Variants in CSNK1G1 observed in about 807,000 individuals in gnomAD.
CSNK1G1 encodes casein kinase I isoform gamma-1.
A neutral mutation model predicts 59.6 loss-of-function variants in CSNK1G1; 22 were observed. That is an observed-to-expected ratio of 0.37 (90% CI 0.26 to 0.53). The LOEUF (loss-of-function observed/expected upper bound fraction) is 0.53. Ranked by LOEUF, CSNK1G1 falls within the 20% of genes least tolerant of loss-of-function variation. The pLI, the probability that CSNK1G1 is intolerant of heterozygous loss-of-function variation, is 0.89. For missense variants in CSNK1G1, 384 were observed against 519.5 expected (o/e 0.74, Z 2.54); for synonymous variants, 179 against 177.1 (o/e 1.01, Z -0.08).
At chr15:64,279,920 C>A (rs138222782) in intron 2 of CSNK1G1, among the ~76,000 whole-genome samples, 1 of 149,914 alleles carries the variant, frequency 6.7e-6, no homozygotes, top group African/African-American at 2.5e-5. Context: ...TGTGGTATGC[C>A]GAGATCGCAC....
Position 64,300,872 on chromosome 15 carries a change from T to C in CSNK1G1, c.-224-149A>G, listed in dbSNP as rs114205286. The C allele has an allele frequency of 3.7e-3, 1,577 of 426,052 alleles. 23 individuals carry two copies. Among genetic ancestry groups the C allele is most frequent in the African/African-American group, 0.028 (1,393 of 49,160 alleles). 26.4% of individuals were successfully genotyped at this position (426,052 alleles called of 1,614,324 possible). A position where few individuals can be genotyped will look rare whatever the true frequency, so the allele number is the denominator to read the frequency against. On this transcript the variant is annotated intron_variant, in intron 1 of 11. Transcript: ENST00000303052. ...TTTGGTTTTCTATCCTCCAATAGTT[T>C]AACCATCTGGATTAGTTATTCACAT...
At chr15:64,348,383 TTAA>T (rs1246978150) in intron 1 of CSNK1G1, 1 of 152,112 alleles carries the variant, frequency 6.6e-6, no homozygotes, top group East Asian at 1.9e-4. Context: ...ATGCAAGATG[TTAA>T]TAATAGGGGA....
intron 11 of CSNK1G1, among the ~76,000 whole-genome samples, chr15:64,178,989 G>A (rs916740565): frequency 2.0e-5 from 3 of 152,036 alleles, no homozygotes; most frequent in Non-Finnish European, 2.9e-5. Flanking sequence ...AGACTCAAGT[G>A]ATCCTCCTGC....
intron 1 of CSNK1G1, among the ~76,000 whole-genome samples, chr15:64,322,254 C>A (rs529978415): frequency 6.6e-6 from 1 of 152,266 alleles, no homozygotes; most frequent in South Asian, 2.1e-4. Context: ...TTGGTTATTT[C>A]TCCTAAAGCT....
Position 64,216,589 on chromosome 15 carries a change from C to T in CSNK1G1, c.417G>A (p.Lys139=). 3.7e-6 allele frequency: 6 copies of T among 1,613,920 alleles called. No individual in the cohort carries two copies. The highest frequency in any genetic ancestry group is 5.1e-6 in the Non-Finnish European group (6 of 1,179,856). The change falls in exon 5 of 12, where the codon AAG becomes AAA. Residue 139 remains lysine, a synonymous_variant. Transcript: ENST00000303052. The surrounding 1 kb of genome is among the most constrained non-coding windows in gnomAD (Gnocchi z 4.6). The part of the protein sequence containing the change: ...FDLCDRTFTL[K]TVLMIAIQLL... ...GCTGGATGGCTATCATTAACACCGT[C>T]TTCAAAGTAAATGTTCGGTCACAGA...
intron 1 of CSNK1G1, among the ~76,000 whole-genome samples, chr15:64,336,269 ACTC>A (rs1421574852): frequency 6.6e-6 from 1 of 151,876 alleles, no homozygotes; most frequent in African/African-American, 2.4e-5. Flanking sequence ...CTCTCATTTC[ACTC>A]CTTATTCTAT....
At chr15:64,346,614 C>T (rs2140485657) in intron 1 of CSNK1G1, among the ~76,000 whole-genome samples, 1 of 152,058 alleles carries the variant, frequency 6.6e-6, no homozygotes, top group East Asian at 1.9e-4. Flanking sequence ...CACACCACCA[C>T]ACCCGGCTAA....
rs1434968295 is a variant in CSNK1G1 at position 64,216,159 on chromosome 15, A to C, written c.444+403T>G. On this transcript the variant is annotated intron_variant, in intron 5 of 11. Coordinates refer to ENST00000303052, the MANE Select transcript of CSNK1G1 (RefSeq NM_022048.5). The surrounding 1 kb of genome is among the most constrained non-coding windows in gnomAD (Gnocchi z 4.6). ...AGAATCACTTGAGCCTAGGAGTTTGAGGTTGCACTGAGCTATGATCATGCT... is the reference window on the plus strand; with the variant it reads ...AGAATCACTTGAGCCTAGGAGTTTGCGGTTGCACTGAGCTATGATCATGCT... Among the ~76,000 whole-genome samples, 1 of 151,980 alleles carries C rather than the reference A, an allele frequency of 6.6e-6. No individual in the cohort carries two copies. Among genetic ancestry groups the C allele is most frequent in the Non-Finnish European group, 1.5e-5 (1 of 67,992 alleles).
intron 11 of CSNK1G1, among the ~76,000 whole-genome samples, chr15:64,172,946 G>A (rs1358008108): frequency 6.6e-6 from 1 of 152,190 alleles, no homozygotes; most frequent in Non-Finnish European, 1.5e-5. Flanking sequence ...CTGTGGCAAG[G>A]TGTACAAGAT....
At chr15:64,250,209 C>G (rs1891997671) in intron 4 of CSNK1G1, among the ~76,000 whole-genome samples, 1 of 152,106 alleles carries the variant, frequency 6.6e-6, no homozygotes, top group Non-Finnish European at 1.5e-5. Context: ...AGTCTTAAAT[C>G]TTATGCCAAA....
chr15:64,294,327 G>A (rs1894898457), intron 2 of CSNK1G1, among the ~76,000 whole-genome samples: 1 of 152,028 alleles, frequency 6.6e-6, no homozygotes, highest in Non-Finnish European at 1.5e-5. Flanking sequence ...GCCCACCTCG[G>A]CCTCTCAAAG....
chr15:64,182,973 T>C (rs568587698), intron 10 of CSNK1G1, among the ~76,000 whole-genome samples: 1 of 152,332 alleles, frequency 6.6e-6, no homozygotes, highest in African/African-American at 2.4e-5. Context: ...CTTGTGGACA[T>C]ATTCTGGCTG....
intron 2 of CSNK1G1, among the ~76,000 whole-genome samples, chr15:64,260,624 G>T (rs1892641186): frequency 6.6e-6 from 1 of 152,036 alleles, no homozygotes; most frequent in Admixed American, 6.6e-5. Context: ...TGTAATCTCA[G>T]CTACTTGGGA....
chr15:64,231,542 T>C (rs1876649850), intron 4 of CSNK1G1, among the ~76,000 whole-genome samples: 1 of 151,390 alleles, frequency 6.6e-6, no homozygotes, highest in Non-Finnish European at 1.5e-5. Flanking sequence ...TTAACCCAAG[T>C]GGGATGCTCA....
intron 2 of CSNK1G1, among the ~76,000 whole-genome samples, chr15:64,265,000 A>G (rs1298718381): frequency 6.6e-6 from 1 of 152,206 alleles, no homozygotes; most frequent in Non-Finnish European, 1.5e-5. Context: ...TTTATACAAC[A>G]TAGTATTCAA....
At chr15:64,182,745 T>A (rs1052385004) in intron 10 of CSNK1G1, among the ~76,000 whole-genome samples, 3 of 152,182 alleles carry the variant, frequency 2.0e-5, no homozygotes, top group African/African-American at 7.2e-5. Context: ...AAAGCAAATA[T>A]GGCAAAATCT....
intron 4 of CSNK1G1, among the ~76,000 whole-genome samples, chr15:64,246,945 G>C (rs2140312554): frequency 6.6e-6 from 1 of 152,022 alleles, no homozygotes; most frequent in East Asian, 1.9e-4. Context: ...CTTGGTTCTG[G>C]CTTATTCATC....
intron 10 of CSNK1G1, among the ~76,000 whole-genome samples, chr15:64,182,479 T>C (rs147608052): frequency 6.6e-6 from 1 of 152,340 alleles, no homozygotes; most frequent in African/African-American, 2.4e-5. Context: ...TGATGAGGCA[T>C]ATTGCATTGG....
At chr15:64,224,667 TTGTC>T (rs1596120068) in intron 4 of CSNK1G1, among the ~76,000 whole-genome samples, 1 of 152,186 alleles carries the variant, frequency 6.6e-6, no homozygotes, top group Non-Finnish European at 1.5e-5. Flanking sequence ...CAGGATTACT[TTGTC>T]TGTCCTGTAA....
Sources: gnomAD v4.1 joint callset for allele counts (sites outside exome capture counted in the v4.1 genomes callset) on GRCh38, gnomAD v4.1.1 for gene constraint, Gnocchi (gnomAD v3.1) non-coding constraint, MANE v1.5 for transcripts, NCBI Gene and HGNC (gene_info 2026-07-23, HGNC 2026-07-21) for gene names.